The following SPAG16 variants were observed in gnomAD, a reference collection of about 807,000 sequenced individuals.
SPAG16 encodes the protein sperm-associated antigen 16 protein.
SPAG16 carries 86 observed loss-of-function variants against 80.4 expected under a neutral mutation model. The ratio of observed to expected loss-of-function variants is 1.07; its 90% CI spans 0.90 to 1.28. The LOEUF is 1.28. SPAG16 is among the 50% of genes most tolerant of loss of function. The pLI is 0.00. For missense variants in SPAG16, 870 were observed against 765.3 expected, an observed-to-expected ratio of 1.14 and a Z score of -1.61; for synonymous variants, 294 against 265.9, an observed-to-expected ratio of 1.11 and a Z score of -1.03.
chr2:213,333,237 TAGAA>T (rs1018096287), intron 5 of SPAG16, among the ~76,000 whole-genome samples: 1 of 151,914 alleles, frequency 6.6e-6, no homozygotes, highest in African/African-American at 2.4e-5. Context: ...AAAAAGAAAT[TAGAA>T]AGTAATCCAA....
At chr2:214,218,602 G>A (rs571104190) in intron 15 of SPAG16, among the ~76,000 whole-genome samples, 3 of 152,226 alleles carry the variant, frequency 2.0e-5, no homozygotes, top group South Asian at 4.1e-4. Context: ...GTACAATAAC[G>A]CCTTCATATT....
At chr2:213,371,409 AAAAAAAAAAG>A (rs1343587942) in intron 8 of SPAG16, among the ~76,000 whole-genome samples, 9 of 144,428 alleles carry the variant, frequency 6.2e-5, no homozygotes, top group African/African-American at 1.5e-4. Flanking sequence ...AAAAAAAAAA[AAAAAAAAAAG>A]AAAAGAAAAG....
chr2:213,337,275 C>T (rs1183504341), intron 5 of SPAG16, among the ~76,000 whole-genome samples: 1 of 152,170 alleles, frequency 6.6e-6, no homozygotes. Context: ...AGAATCAACA[C>T]AAAAATCCTG....
At chr2:213,957,049 G>T (rs2044183008) in intron 12 of SPAG16, among the ~76,000 whole-genome samples, 1 of 151,758 alleles carries the variant, frequency 6.6e-6, no homozygotes, top group Non-Finnish European at 1.5e-5. Flanking sequence ...CTAAAATATG[G>T]TCTATCCTGG....
At position 213,336,660 on chromosome 2, in the gene SPAG16, A is replaced by AT. The variant is rs533065210; in HGVS notation, c.537-3497dup. On this transcript the variant is annotated intron_variant, in intron 5 of 15. Coordinates refer to ENST00000331683, the MANE Select transcript of SPAG16 (RefSeq NM_024532.5). ...GCTTCCTTAAGTAGAACACTGATCC[A>AT]TTTTTTCTCACTGGGTGAGGCCTCT... 1.0e-3 allele frequency among the ~76,000 whole-genome samples: 156 copies of AT among 151,944 alleles called. 1 individual carries two copies. The highest frequency in any genetic ancestry group is 3.3e-3 in the African/African-American group (135 of 41,406).
chr2:214,099,273 A>G (rs1335541306), intron 13 of SPAG16, among the ~76,000 whole-genome samples: 1 of 152,140 alleles, frequency 6.6e-6, no homozygotes, highest in Non-Finnish European at 1.5e-5. Flanking sequence ...AGGAATAGAG[A>G]AAAAGCTACA....
intron 9 of SPAG16, among the ~76,000 whole-genome samples, chr2:213,441,442 C>G (rs908916215): frequency 6.6e-5 from 10 of 152,126 alleles, no homozygotes; most frequent in Non-Finnish European, 1.0e-4. Context: ...AAAACAAAAT[C>G]TATGGTTTCG....
intron 10 of SPAG16, among the ~76,000 whole-genome samples, chr2:213,603,786 C>T (rs2061154720): frequency 6.6e-6 from 1 of 152,188 alleles, no homozygotes; most frequent in Non-Finnish European, 1.5e-5. Flanking sequence ...ATCCTCTGGC[C>T]TACCATTCAC....
chr2:213,692,169 T>A (rs944349733), intron 10 of SPAG16, among the ~76,000 whole-genome samples: 1 of 152,178 alleles, frequency 6.6e-6, no homozygotes, highest in African/African-American at 2.4e-5. Flanking sequence ...TAATATAAAA[T>A]TTGATGAAAC....
chr2:213,428,907 T>C (rs927296480), intron 9 of SPAG16, among the ~76,000 whole-genome samples: 33 of 151,822 alleles, frequency 2.2e-4, no homozygotes, highest in East Asian at 5.8e-4. Context: ...CTGGCCAACA[T>C]AGTGAAGCCC....
chr2:214,033,141 A>G (rs1045932171), intron 13 of SPAG16, among the ~76,000 whole-genome samples: 2 of 152,220 alleles, frequency 1.3e-5, no homozygotes, highest in African/African-American at 4.8e-5. Context: ...ATAATGTGTA[A>G]TAACTAATAA....
chr2:213,511,873 A>AT (rs576806880), intron 10 of SPAG16, among the ~76,000 whole-genome samples: 5 of 151,886 alleles, frequency 3.3e-5, no homozygotes, highest in African/African-American at 1.2e-4. Context: ...ACAAAAGCAT[A>AT]TTTTTTTTCA....
chr2:213,763,995 G>A (rs766259587), intron 10 of SPAG16, among the ~76,000 whole-genome samples: 9 of 152,206 alleles, frequency 5.9e-5, no homozygotes, highest in Non-Finnish European at 8.8e-5. Context: ...TGAAGGGTGG[G>A]TGTGGATTCA....
At chr2:213,828,043 T>C (rs978359027) in intron 10 of SPAG16, among the ~76,000 whole-genome samples, 4 of 152,160 alleles carry the variant, frequency 2.6e-5, no homozygotes, top group Non-Finnish European at 5.9e-5. Flanking sequence ...TCTTGAATAT[T>C]GGTATTTCTC....
chr2:213,950,975 G>C (rs536291803), intron 12 of SPAG16, among the ~76,000 whole-genome samples: 2 of 150,338 alleles, frequency 1.3e-5, no homozygotes, highest in African/African-American at 4.9e-5. Flanking sequence ...GCCTCCCAAA[G>C]TGTTGGGATT....
intron 9 of SPAG16, among the ~76,000 whole-genome samples, chr2:213,383,200 T>C (rs1047795894): frequency 2.0e-5 from 3 of 152,198 alleles, no homozygotes; most frequent in Non-Finnish European, 4.4e-5. Context: ...ACATATTGGA[T>C]AATATATGTA....
intron 10 of SPAG16, among the ~76,000 whole-genome samples, chr2:213,795,277 TG>T: frequency 6.6e-6 from 1 of 152,312 alleles, no homozygotes; most frequent in East Asian, 1.9e-4. Flanking sequence ...ATGATATGTT[TG>T]TATCTGTAGA....
intron 15 of SPAG16, among the ~76,000 whole-genome samples, chr2:214,155,473 CAG>C (rs1166539389): frequency 2.0e-5 from 3 of 151,882 alleles, no homozygotes; most frequent in Non-Finnish European, 1.5e-5. Context: ...GCATTTGCAG[CAG>C]AGATATATGG....
intron 7 of SPAG16, among the ~76,000 whole-genome samples, chr2:213,357,491 A>T (rs149518306): frequency 0.074 from 11,292 of 152,100 alleles, 1,380 homozygotes; most frequent in African/African-American, 0.25. Context: ...TGTTGAATTG[A>T]TCCCTTTACC....
Sources: gnomAD v4.1 joint callset for allele counts (sites outside exome capture counted in the v4.1 genomes callset) on GRCh38, gnomAD v4.1.1 for gene constraint, MANE v1.5 for transcripts, NCBI Gene and HGNC (gene_info 2026-07-23, HGNC 2026-07-21) for gene names.